Variants in B4GALNT3 observed in about 807,000 individuals in gnomAD.
B4GALNT3 encodes beta-1,4-N-acetyl-galactosaminyltransferase 3.
A neutral mutation model predicts 120.2 loss-of-function variants in B4GALNT3; 86 were observed. The ratio of observed to expected loss-of-function variants is 0.72; its 90% CI spans 0.60 to 0.86. The LOEUF is 0.86. Among genes scored for constraint, B4GALNT3 ranks in the 40% least tolerant of loss-of-function variants. The pLI is 0.00. For synonymous variants in B4GALNT3, 518 were observed against 510.4 expected (o/e 1.01, Z -0.20); for missense variants, 1,167 against 1,298.9 (o/e 0.90, Z 1.56).
chr12:549,731 C>G (rs565412126), intron 9 of B4GALNT3, 38 bp from the exon 10 acceptor site: 1 of 1,613,056 alleles, frequency 6.2e-7, no homozygotes, highest in Admixed American at 1.7e-5. Context: ...GCGCTCCAGG[C>G]CACACAGCCT....
At chr12:480,565 G>A (rs1210028555) in intron 1 of B4GALNT3, among the ~76,000 whole-genome samples, 1 of 108,920 alleles carries the variant, frequency 9.2e-6, no homozygotes, top group Non-Finnish European at 2.1e-5. Flanking sequence ...GTTGGCCGTG[G>A]CTGGAGAAAG....
At chr12:549,720 T>G in intron 9 of B4GALNT3, 49 bp from the exon 10 acceptor site, 1 of 1,611,314 alleles carries the variant, frequency 6.2e-7, no homozygotes, top group Non-Finnish European at 8.5e-7. Flanking sequence ...AGTGGGCTGC[T>G]GCGCTCCAGG....
chr12:510,907 C>T (rs866878454), intron 1 of B4GALNT3, among the ~76,000 whole-genome samples: 1 of 151,528 alleles, frequency 6.6e-6, no homozygotes, highest in Non-Finnish European at 1.5e-5. Context: ...AGAGCATTTT[C>T]CTCACCCTAG....
chr12:559,659 G>T lies in B4GALNT3; in HGVS notation c.2888+238G>T, dbSNP rs532423773. On this transcript the variant is annotated intron_variant, in intron 19 of 19. Transcript: ENST00000266383. ...ACAGGGTTGGTGTGAAAATTAACAT[G>T]CCTGGTACACCGTGTACCAGGTACA... Among the ~76,000 whole-genome samples the T allele has an allele frequency of 2.8e-4, 43 of 152,160 alleles. 1 individual carries two copies. In the South Asian group the frequency reaches 8.3e-3, roughly 29 times the overall value.
intron 1 of B4GALNT3, among the ~76,000 whole-genome samples, chr12:486,735 C>A (rs1946294496): frequency 6.6e-6 from 1 of 152,072 alleles, no homozygotes; most frequent in South Asian, 2.1e-4. Context: ...GACACCTAAC[C>A]ACGATATCAC....
In B4GALNT3 at chr12:548,638, G is replaced by A. The variant is rs1179564072; in HGVS notation, c.853+341G>A. 2.0e-5 allele frequency among the ~76,000 whole-genome samples: 3 copies of A among 152,126 alleles called. No individual in the cohort carries two copies. The highest frequency in any genetic ancestry group is 6.5e-5 in the Admixed American group (1 of 15,268). The stretch of plus-strand genomic sequence containing the variant: ...ATCTAAAAACTCTGAGGCTGGGTGC[G>A]GTGGCTCATACCTGTAATCCCAGCA... On this transcript the variant is annotated intron_variant, in intron 9 of 19. Transcript: ENST00000266383. The surrounding 1 kb of genome is among the most constrained non-coding windows in gnomAD (Gnocchi z 4.9).
chr12:527,604 T>G (rs9630274), intron 1 of B4GALNT3, among the ~76,000 whole-genome samples: 58,860 of 152,000 alleles, frequency 0.39, 12,621 homozygotes, highest in East Asian at 0.6. Flanking sequence ...GAGGAACGGG[T>G]AGGCCTTAGG....
At chr12:547,791 C>T (rs886983261) in intron 7 of B4GALNT3, among the ~76,000 whole-genome samples, 3 of 152,186 alleles carry the variant, frequency 2.0e-5, no homozygotes, top group Admixed American at 6.5e-5. Context: ...TGGGTTCTTC[C>T]GATCATCCTG....
chr12:553,146 A>T, intron 13 of B4GALNT3, 48 bp from the exon 14 acceptor site: 1 of 1,590,664 alleles, frequency 6.3e-7, no homozygotes, highest in Non-Finnish European at 8.6e-7. Context: ...TCTTGTTTGG[A>T]AAGGGTTGGA....
chr12:509,561 A>G (rs946308691), intron 1 of B4GALNT3, among the ~76,000 whole-genome samples: 3 of 151,976 alleles, frequency 2.0e-5, no homozygotes, highest in African/African-American at 7.2e-5. Context: ...CTCTGCTCCT[A>G]TTTGCTGGTA....
chr12:476,812 G>A (rs979253530), intron 1 of B4GALNT3, among the ~76,000 whole-genome samples: 6 of 152,186 alleles, frequency 3.9e-5, no homozygotes, highest in African/African-American at 1.4e-4. Flanking sequence ...GACCCCAGGG[G>A]TGCAGACATG....
intron 1 of B4GALNT3, among the ~76,000 whole-genome samples, chr12:478,297 A>G (rs912255240): frequency 5.7e-5 from 8 of 140,474 alleles, no homozygotes; most frequent in African/African-American, 1.9e-4. Flanking sequence ...AAAAAAAAAA[A>G]TATTCAAGCC....
intron 1 of B4GALNT3, among the ~76,000 whole-genome samples, chr12:466,844 C>G (rs1039070326): frequency 1.6e-4 from 25 of 151,960 alleles, no homozygotes; most frequent in African/African-American, 4.8e-4. Flanking sequence ...AGAAAATAAA[C>G]ATGCAAATCG....
intron 1 of B4GALNT3, among the ~76,000 whole-genome samples, chr12:466,008 C>T (rs1057168324): frequency 1.4e-5 from 2 of 144,890 alleles, no homozygotes; most frequent in Admixed American, 1.4e-4. Flanking sequence ...TCCTGCCACT[C>T]CCTGTCCTGG....
intron 1 of B4GALNT3, among the ~76,000 whole-genome samples, chr12:512,190 TCCGCCTTCCAC>T (rs1192808766): frequency 1.2e-5 from 1 of 85,628 alleles, no homozygotes; most frequent in Non-Finnish European, 2.1e-5. Flanking sequence ...CCTTCCACCT[TCCGCCTTCCAC>T]CTTCCACCTT....
Position 506,218 on chromosome 12 carries a change from A to G in B4GALNT3, c.170-28948A>G, listed in dbSNP as rs543036584. Among the ~76,000 whole-genome samples the G allele has an allele frequency of 1.2e-4, 19 of 152,146 alleles. 1 individual carries two copies. The South Asian group carries it at 2.5e-3, about 20-fold the overall frequency. ...AATCGTTCTTCATTTGTGTGTGTTT[A>G]TTATCAAATCATAGAGTGTAACACT... On this transcript the variant is annotated intron_variant, in intron 1 of 19. Transcript: ENST00000266383.
At chr12:487,395 T>G (rs948042352) in intron 1 of B4GALNT3, among the ~76,000 whole-genome samples, 6 of 152,062 alleles carry the variant, frequency 3.9e-5, no homozygotes, top group African/African-American at 1.4e-4. Context: ...CAGACCATAT[T>G]CAAACTAAGG....
intron 1 of B4GALNT3, among the ~76,000 whole-genome samples, chr12:525,669 G>C (rs1355347542): frequency 6.6e-6 from 1 of 152,190 alleles, no homozygotes; most frequent in Non-Finnish European, 1.5e-5. Context: ...GCTGGGAAGA[G>C]TTCCTGCTCC....
rs1255476831 is a variant in B4GALNT3, at chr12:460,791, C to G, written c.169+246C>G. Among the ~76,000 whole-genome samples, 1 of 152,074 alleles carries G rather than the reference C, an allele frequency of 6.6e-6. No homozygotes were observed. Among genetic ancestry groups the G allele is most frequent in the East Asian group, 1.9e-4 (1 of 5,142 alleles). ...ACGTGGGTCCGGGGCACCCTGGGGG[C>G]TCCTCGCGTCTCCCCTCGGAGAGCG... On this transcript the variant is annotated intron_variant, in intron 1 of 19. Transcript: ENST00000266383. The surrounding 1 kb of genome is among the most constrained non-coding windows in gnomAD (Gnocchi z 8.0).
Sources: allele counts gnomAD v4.1 joint callset (sites outside exome capture counted in the v4.1 genomes callset), GRCh38; gene constraint gnomAD v4.1.1; non-coding constraint Gnocchi (gnomAD v3.1); transcripts MANE v1.5; gene names NCBI Gene and HGNC (gene_info 2026-07-23, HGNC 2026-07-21).